The following AKAP13 variants were observed in gnomAD, a reference collection of about 807,000 sequenced individuals.
AKAP13 encodes A-kinase anchor protein 13.
A neutral mutation model predicts 264.5 loss-of-function variants in AKAP13; 80 were observed. The observed-to-expected ratio is 0.30, with a 90% confidence interval of 0.25 to 0.36. AKAP13 has a LOEUF of 0.36. Ranked by LOEUF, AKAP13 falls within the 10% of genes least tolerant of loss-of-function variation. The probability of loss-of-function intolerance (pLI) is 1.00; values close to 1 mark genes in which losing one functional copy is unlikely to be tolerated. For missense variants in AKAP13, 3,712 were observed against 3,435.2 expected (o/e 1.08, Z -2.01); for synonymous variants, 1,380 against 1,250.2 (o/e 1.10, Z -2.19).
chr15:85,715,037 T>G (rs945717873), intron 19 of AKAP13, among the ~76,000 whole-genome samples: 1 of 152,190 alleles, frequency 6.6e-6, no homozygotes, highest in East Asian at 1.9e-4. Context: ...CCCACAGGAT[T>G]CTTTATCCCC....
rs749291763 is a variant in AKAP13, at chr15:85,543,956, G to T, written c.662+1G>T. 6.2e-7 allele frequency: 1 copy of T among 1,611,438 alleles called. No individual in the cohort carries two copies. Among genetic ancestry groups the T allele is most frequent in the East Asian group, 2.2e-5 (1 of 44,808 alleles). On this transcript the variant is annotated splice_donor_variant, in intron 5 of 36. Coordinates refer to ENST00000394518, the MANE Select transcript of AKAP13 (RefSeq NM_007200.5). LOFTEE classifies it high-confidence loss of function. ...ACAAGCTGCACCAGCTTCTAACCGA[G>T]TAAGTGCTCCTTCTGCCTTATTTCC...
At chr15:85,555,311 T>A in intron 5 of AKAP13, 1 of 631,080 alleles carries the variant, frequency 1.6e-6, no homozygotes, top group South Asian at 1.6e-5. Flanking sequence ...TGAGAAGATA[T>A]TGCAATAGCC....
At chr15:85,605,314 C>A (rs1459135816) in intron 8 of AKAP13, among the ~76,000 whole-genome samples, 1 of 152,174 alleles carries the variant, frequency 6.6e-6, no homozygotes, top group Non-Finnish European at 1.5e-5. Context: ...TAGAAAGGGT[C>A]TTTTGCAGGG....
chr15:85,678,957 C>T (rs1241281432), intron 14 of AKAP13, among the ~76,000 whole-genome samples: 2 of 151,662 alleles, frequency 1.3e-5, no homozygotes, highest in Non-Finnish European at 2.9e-5. Context: ...ACCAAGGTCC[C>T]AGTCAGGCAC....
rs1418403372 is a variant in AKAP13, at chr15:85,625,075, TA to T, written c.4162-14296del. 3.3e-5 allele frequency among the ~76,000 whole-genome samples: 5 copies of T among 152,230 alleles called. No homozygotes were observed. In the East Asian group the frequency reaches 9.6e-4, roughly 29 times the overall value. ...ACTATGTTTTGTAGCTAAAGTGTCATAAATGTGATTAGAGCCAAAATGTATG... is the reference window on the plus strand; with the variant it reads ...ACTATGTTTTGTAGCTAAAGTGTCATAATGTGATTAGAGCCAAAATGTATG... On this transcript the variant is annotated intron_variant, in intron 8 of 36. Coordinates refer to ENST00000394518, the MANE Select transcript of AKAP13 (RefSeq NM_007200.5).
chr15:85,595,589 T>C lies in AKAP13; in HGVS notation c.4161+9766T>C, dbSNP rs151245540. On this transcript the variant is annotated intron_variant, in intron 8 of 36. Coordinates refer to ENST00000394518, the MANE Select transcript of AKAP13 (RefSeq NM_007200.5). Reference sequence around the variant, plus strand: ...AGAGGAATACTTCTTGAAAAGTGCCTGTCTGAAACGTAATGGTGTTTCCTT... The same window carrying C: ...AGAGGAATACTTCTTGAAAAGTGCCCGTCTGAAACGTAATGGTGTTTCCTT... Among the ~76,000 whole-genome samples the C allele has an allele frequency of 2.7e-4, 41 of 152,374 alleles. No homozygotes were observed. In the East Asian group the frequency reaches 6.9e-3, roughly 26 times the overall value.
At chr15:85,415,232 C>T (rs918136825) in intron 1 of AKAP13, 10 of 1,555,846 alleles carry the variant, frequency 6.4e-6, no homozygotes, top group South Asian at 1.1e-5. Flanking sequence ...CCCTCATGGC[C>T]ACAGTTCAGC....
intron 2 of AKAP13, among the ~76,000 whole-genome samples, chr15:85,519,680 C>T (rs4843066): frequency 0.53 from 80,690 of 151,996 alleles, 21,912 homozygotes; most frequent in Middle Eastern, 0.63. Context: ...TTTTACCAGC[C>T]GTGATATTCC....
At chr15:85,720,628 T>A (rs1180699247) in intron 23 of AKAP13, among the ~76,000 whole-genome samples, 4 of 152,196 alleles carry the variant, frequency 2.6e-5, no homozygotes, top group Admixed American at 6.5e-5. Context: ...AAGATGCAGA[T>A]TCCCCAAAGA....
rs2079135138 is a variant in AKAP13 at position 85,581,050 on chromosome 15, A to G, written c.2982A>G (p.Glu994=). 6.2e-7 allele frequency: 1 copy of G among 1,614,026 alleles called. No individual in the cohort carries two copies. The highest frequency in any genetic ancestry group is 8.5e-7 in the Non-Finnish European group (1 of 1,179,950). The part of the protein sequence containing the change: ...PGASSAFLKA[E]TEHNKEVAPQ... ...CATCCTCTGCCTTTCTTAAGGCAGA[A>G]ACTGAACATAACAAGGAAGTGGCCC... Residue 994 remains glutamate (E), a synonymous_variant, in exon 7 of 37, where the codon GAA becomes GAG. Coordinates refer to ENST00000394518, the MANE Select transcript of AKAP13 (RefSeq NM_007200.5).
Position 85,718,936 on chromosome 15 carries a change from T to C in AKAP13, c.6002-140T>C. 1 of 1,207,822 alleles carries C rather than the reference T, an allele frequency of 8.3e-7. No individual in the cohort carries two copies. Among genetic ancestry groups the C allele is most frequent in the Non-Finnish European group, 1.1e-6 (1 of 873,002 alleles). 74.8% of individuals were successfully genotyped at this position (1,207,822 alleles called of 1,614,324 possible). The stretch of plus-strand genomic sequence containing the variant: ...AAAAAACAAAAAAACGAGAACACTT[T>C]TAGGGGAAAGATAGCTGTTGACCCA... On this transcript the variant is annotated intron_variant, in intron 22 of 36. Transcript: ENST00000394518. This position sits in a 1 kb window ranked among gnomAD's most constrained non-coding sequence, Gnocchi z 4.9.
chr15:85,602,914 T>A (rs1028374724), intron 8 of AKAP13, among the ~76,000 whole-genome samples: 1 of 152,240 alleles, frequency 6.6e-6, no homozygotes, highest in Non-Finnish European at 1.5e-5. Context: ...TTCTACAATA[T>A]CAGAAACTCA....
intron 1 of AKAP13, among the ~76,000 whole-genome samples, chr15:85,416,175 A>T (rs555747356): frequency 1.3e-5 from 2 of 152,212 alleles, no homozygotes; most frequent in African/African-American, 4.8e-5. Context: ...TGTACTATGT[A>T]TTTGCATAAA....
intron 2 of AKAP13, among the ~76,000 whole-genome samples, chr15:85,489,716 G>A (rs2075671537): frequency 6.6e-6 from 1 of 152,182 alleles, no homozygotes; most frequent in African/African-American, 2.4e-5. Flanking sequence ...AGACAAATAG[G>A]CTGGACTCCA....
intron 1 of AKAP13, among the ~76,000 whole-genome samples, chr15:85,399,203 G>A (rs1316342910): frequency 1.3e-5 from 2 of 152,046 alleles, no homozygotes; most frequent in African/African-American, 2.4e-5. Flanking sequence ...CGTTTTTAAA[G>A]TTTTAGATGC....
At position 85,717,336 on chromosome 15, in the gene AKAP13, C is replaced by T; in HGVS notation, c.5782C>T (p.His1928Tyr). The T allele has an allele frequency of 2.5e-6, 4 of 1,613,106 alleles. No homozygotes were observed. Among genetic ancestry groups the T allele is most frequent in the Non-Finnish European group, 3.4e-6 (4 of 1,179,788 alleles). The change falls in exon 21 of 37, where the codon CAT (histidine) becomes TAT (tyrosine). Residue 1928 changes from histidine to tyrosine, a missense_variant. His to Tyr is a moderately conservative substitution (Grantham distance 83, BLOSUM62 2). Coordinates refer to ENST00000394518, the MANE Select transcript of AKAP13 (RefSeq NM_007200.5). ...NMSNTWKFLS[H>Y]STDSLNKISK... ...GTCAAACACCTGGAAATTCCTGTCT[C>T]ATTCAACAGACTCACTAAATAAAAT...
intron 9 of AKAP13, among the ~76,000 whole-genome samples, chr15:85,641,907 C>G (rs924147878): frequency 1.2e-4 from 18 of 152,294 alleles, no homozygotes; most frequent in East Asian, 5.8e-4. Flanking sequence ...GTGTGTTTTC[C>G]TGCCCTTCCC....
In AKAP13 at chr15:85,741,331, G is replaced by A. The variant is rs779105016; in HGVS notation, c.7894G>A (p.Asp2632Asn). Residue 2632 changes from aspartate (D) to asparagine (N), a missense_variant, in exon 35 of 37, where the codon GAC becomes AAC. Physicochemically the swap from Asp to Asn is conservative, Grantham distance 23. This residue lies in a region of AKAP13 where 611 missense variants were observed against 539.3 expected (regional missense o/e 1.13). Transcript: ENST00000394518. ...REEEVQQGQQDLEKEREELQQ... is the reference protein window; with the variant it reads ...REEEVQQGQQNLEKEREELQQ... ...GGAGGAGGTGCAGCAGGGGCAGCAG[G>A]ACCTGGAAAAGGAGCGGGAGGAGCT... is the stretch of plus-strand genomic sequence containing the variant. 10 of 1,613,422 alleles carry A rather than the reference G, an allele frequency of 6.2e-6. No individual in the cohort carries two copies. The highest frequency in any genetic ancestry group is 1.1e-5 in the South Asian group (1 of 91,008).
intron 1 of AKAP13, among the ~76,000 whole-genome samples, chr15:85,460,156 A>C (rs1381409847): frequency 1.3e-5 from 2 of 152,346 alleles, no homozygotes; most frequent in South Asian, 4.1e-4. Context: ...AGTCAAATTT[A>C]ACTCCATATT....
Sources: allele counts gnomAD v4.1 joint callset (sites outside exome capture counted in the v4.1 genomes callset), GRCh38; gene constraint gnomAD v4.1.1; regional missense constraint gnomAD v4.1.1; non-coding constraint Gnocchi (gnomAD v3.1); transcripts MANE v1.5; gene names NCBI Gene and HGNC (gene_info 2026-07-23, HGNC 2026-07-21).